The following UTRN variants were observed in gnomAD, a reference collection of about 807,000 sequenced individuals.
The protein encoded by UTRN is dystrophin-related protein 1.
A neutral mutation model predicts 463.9 loss-of-function variants in UTRN; 283 were observed. That is an observed-to-expected ratio of 0.61 (90% CI 0.55 to 0.67). The LOEUF (loss-of-function observed/expected upper bound fraction) is 0.67, where lower values mean the gene tolerates loss of function less well. Ranked by LOEUF, UTRN falls within the 30% of genes least tolerant of loss-of-function variation. UTRN has a pLI of 0.00. For synonymous variants in UTRN, 1,442 were observed against 1,431.5 expected (o/e 1.01, Z -0.17); for missense variants, 3,922 against 4,084.3 (o/e 0.96, Z 1.08).
At chr6:144,680,153 G>T (rs532975302) in intron 52 of UTRN, among the ~76,000 whole-genome samples, 12 of 152,272 alleles carry the variant, frequency 7.9e-5, no homozygotes, top group African/African-American at 2.9e-4. Context: ...GAATTCCAGA[G>T]CTGGCCCTAG....
chr6:144,719,006 C>T (rs1388972375), intron 53 of UTRN, among the ~76,000 whole-genome samples: 1 of 152,184 alleles, frequency 6.6e-6, no homozygotes, highest in East Asian at 1.9e-4. Context: ...AGCAAAACAA[C>T]ACAGATGTTG....
chr6:144,521,437 C>T (rs922262818), intron 39 of UTRN, among the ~76,000 whole-genome samples: 1 of 152,114 alleles, frequency 6.6e-6, no homozygotes, highest in Admixed American at 6.5e-5. Context: ...TATTCCTGCT[C>T]TATAATATTA....
intron 14 of UTRN, among the ~76,000 whole-genome samples, chr6:144,446,986 G>A (rs149187971): frequency 6.6e-6 from 1 of 152,298 alleles, no homozygotes; most frequent in Non-Finnish European, 1.5e-5. Flanking sequence ...CTAGGTATGA[G>A]GCTAATGTCT....
At chr6:144,424,215 A>G in intron 6 of UTRN, 137 bp downstream of exon 6, 2 of 888,800 alleles carry the variant, frequency 2.3e-6, no homozygotes, top group Non-Finnish European at 3.4e-6. Flanking sequence ...CCAGTTCTGG[A>G]GGCCAGAAGT....
intron 6 of UTRN, among the ~76,000 whole-genome samples, chr6:144,424,945 T>A (rs1314218320): frequency 2.0e-5 from 3 of 152,076 alleles, no homozygotes; most frequent in Non-Finnish European, 4.4e-5. Flanking sequence ...TATGAAAACT[T>A]AGTATATAAT....
At chr6:144,316,097 C>A (rs1488121054) in intron 2 of UTRN, among the ~76,000 whole-genome samples, 1 of 152,154 alleles carries the variant, frequency 6.6e-6, no homozygotes, top group Admixed American at 6.5e-5. Flanking sequence ...ACGTCTGTAA[C>A]CCCACACTCT....
At chr6:144,841,857 A>G (rs187064335) in intron 73 of UTRN, among the ~76,000 whole-genome samples, 2 of 152,162 alleles carry the variant, frequency 1.3e-5, no homozygotes, top group Admixed American at 1.3e-4. Context: ...CACACCTATA[A>G]TCCCAGCACT....
At chr6:144,782,238 G>A in intron 61 of UTRN, 115 bp downstream of exon 61, 1 of 868,664 alleles carries the variant, frequency 1.2e-6, no homozygotes, top group Non-Finnish European at 1.7e-6. Flanking sequence ...CTTTCCCAGT[G>A]GAAATATTTA....
At chr6:144,594,258 G>A (rs1300794067) in intron 51 of UTRN, among the ~76,000 whole-genome samples, 1 of 149,252 alleles carries the variant, frequency 6.7e-6, no homozygotes, top group Non-Finnish European at 1.5e-5. Flanking sequence ...TGCTCTTAAA[G>A]TGCTTTAATA....
intron 2 of UTRN, among the ~76,000 whole-genome samples, chr6:144,337,194 C>CCACACACACACACA (rs772582196): frequency 3.9e-5 from 5 of 126,704 alleles, no homozygotes; most frequent in Admixed American, 7.6e-5. Flanking sequence ...CACACACACA[C>CCACACACACACACA]CACACACACA....
At chr6:144,731,966 A>G (rs536041962) in intron 54 of UTRN, among the ~76,000 whole-genome samples, 12 of 151,360 alleles carry the variant, frequency 7.9e-5, no homozygotes, top group Non-Finnish European at 1.5e-5. Flanking sequence ...GGTTCAAGCA[A>G]TTCTCATACC....
chr6:144,824,614 C>CTCTCTCTTTTT (rs1315487327), intron 66 of UTRN, among the ~76,000 whole-genome samples: 2 of 30,876 alleles, frequency 6.5e-5, no homozygotes, highest in African/African-American at 2.1e-4. Flanking sequence ...ATATATATAT[C>CTCTCTCTTTTT]TTTTTTTTTT....
Position 144,514,783 on chromosome 6 carries a change from A to T in UTRN, c.5207A>T (p.Asn1736Ile). 6.2e-7 allele frequency: 1 copy of T among 1,614,080 alleles called. No homozygotes were observed. ...VEPKLAELNR[N>I]FEKVSQHIKS... Reference sequence around the variant, plus strand: ...CCAAAGTTAGCTGAGCTGAATAGGAACTTTGAAAAGGTGTCTCAACATATC... The same window carrying T: ...CCAAAGTTAGCTGAGCTGAATAGGATCTTTGAAAAGGTGTCTCAACATATC... Residue 1736 changes from asparagine (N) to isoleucine (I), a missense_variant, in exon 37 of 75, where the codon AAC becomes ATC. Asn to Ile is a moderately radical substitution (Grantham distance 149, BLOSUM62 -3). This residue lies in a region of UTRN where 2,349 missense variants were observed against 2,303.8 expected (regional missense o/e 1.02). Coordinates refer to ENST00000367545, the MANE Select transcript of UTRN (RefSeq NM_007124.3).
At chr6:144,800,484 T>G (rs1005850677) in intron 64 of UTRN, among the ~76,000 whole-genome samples, 1 of 152,136 alleles carries the variant, frequency 6.6e-6, no homozygotes, top group African/African-American at 2.4e-5. Context: ...GGTCAGAGAT[T>G]AAGGTTATGG....
chr6:144,497,741 AT>A, intron 33 of UTRN, among the ~76,000 whole-genome samples: 1 of 152,048 alleles, frequency 6.6e-6, no homozygotes, highest in South Asian at 2.1e-4. Flanking sequence ...ACATGTTGAC[AT>A]TTTAAGTACC....
intron 51 of UTRN, among the ~76,000 whole-genome samples, chr6:144,607,644 G>GAGTGTAC (rs1562641803): frequency 6.6e-6 from 1 of 152,102 alleles, no homozygotes; most frequent in African/African-American, 2.4e-5. Context: ...TTGTACACTA[G>GAGTGTAC]ACTTCATCAG....
intron 2 of UTRN, among the ~76,000 whole-genome samples, chr6:144,392,820 T>C (rs1277920516): frequency 1.3e-5 from 2 of 152,216 alleles, no homozygotes; most frequent in Non-Finnish European, 1.5e-5. Flanking sequence ...ATAATTCTTC[T>C]TTTTGACTTT....
rs117860036 is a variant in UTRN, at chr6:144,815,577, A to G, written c.9358-5305A>G. ...GCAAACCACTGGTCTAACAGTCCAA[A>G]AGTTGAAGAACTTGGAGTTTATGTT... On this transcript the variant is annotated intron_variant, in intron 65 of 74. Transcript: ENST00000367545. Among the ~76,000 whole-genome samples, 1,017 of 152,306 alleles carry G rather than the reference A, an allele frequency of 6.7e-3. 6 individuals are homozygous for G. The highest frequency in any genetic ancestry group is 0.011 in the Non-Finnish European group (781 of 68,026).
At chr6:144,347,379 G>A (rs536649468) in intron 2 of UTRN, among the ~76,000 whole-genome samples, 2 of 152,358 alleles carry the variant, frequency 1.3e-5, no homozygotes, top group South Asian at 4.1e-4. Context: ...TAGACTGAAA[G>A]CTCCATGGGA....
Sources: gnomAD v4.1 joint callset for allele counts (sites outside exome capture counted in the v4.1 genomes callset) on GRCh38, gnomAD v4.1.1 for gene constraint, gnomAD v4.1.1 regional missense constraint, MANE v1.5 for transcripts, NCBI Gene and HGNC (gene_info 2026-07-23, HGNC 2026-07-21) for gene names.